Variants in KPNA4 observed in about 807,000 individuals in gnomAD.
KPNA4 encodes karyopherin subunit alpha 4.
KPNA4 carries 13 observed loss-of-function variants against 71.3 expected under a neutral mutation model. The observed-to-expected ratio is 0.18, with a 90% CI of 0.12 to 0.29. KPNA4 has a LOEUF of 0.29. Among genes scored for constraint, KPNA4 ranks in the 10% least tolerant of loss-of-function variants. The probability of loss-of-function intolerance (pLI) is 1.00; values close to 1 mark genes in which losing one functional copy is unlikely to be tolerated. For synonymous variants in KPNA4, 189 were observed against 195.2 expected (o/e 0.97, Z 0.26); for missense variants, 334 against 603.2 (o/e 0.55, Z 4.67).
intron 11 of KPNA4, among the ~76,000 whole-genome samples, chr3:160,517,556 G>A (rs1212032239): frequency 1.3e-5 from 2 of 151,968 alleles, no homozygotes; most frequent in Admixed American, 6.6e-5. Flanking sequence ...ATTCCAAAGC[G>A]GCTGTACCAT....
chr3:160,565,218 A>C lies in KPNA4; in HGVS notation c.65T>G (p.Leu22Trp). 6.2e-7 allele frequency: 1 copy of C among 1,605,966 alleles called. No homozygotes were observed. ...LKNFKNKGRDLETMRRQRNEV... is the reference protein window; with the variant it reads ...LKNFKNKGRDWETMRRQRNEV... ...CGGCGTCGTCCCCGAGTTTACCTCC[A>C]AGTCGCGGCCTTTGTTCTTGAAATT... is the stretch of plus-strand genomic sequence containing the variant. Residue 22 changes from leucine (L) to tryptophan (W), a missense_variant, in exon 1 of 17, where the codon TTG (leucine) becomes TGG (tryptophan). By Grantham distance (61) the Leu-to-Trp change is moderately conservative (BLOSUM62 -2). Coordinates refer to ENST00000334256, the MANE Select transcript of KPNA4 (RefSeq NM_002268.5).
Position 160,499,277 on chromosome 3 carries a change from G to A in KPNA4, c.*2827C>T, listed in dbSNP as rs1437693925. 3 of 152,070 alleles carry A rather than the reference G, an allele frequency of 2.0e-5. No individual in the cohort carries two copies. The highest frequency in any genetic ancestry group is 7.2e-5 in the African/African-American group (3 of 41,380). 9.4% of individuals were successfully genotyped at this position (152,070 alleles called of 1,614,324 possible). The stretch of plus-strand genomic sequence containing the variant: ...TACAAAGGAAATATATTTAAAGATA[G>A]ATTTTAGACTAGGGCGTCTCACACA... On this transcript the variant is annotated 3_prime_UTR_variant, in exon 17 of 17. Transcript: ENST00000334256.
At chr3:160,564,030 C>A (rs1722293149) in intron 1 of KPNA4, among the ~76,000 whole-genome samples, 1 of 152,132 alleles carries the variant, frequency 6.6e-6, no homozygotes, top group South Asian at 2.1e-4. Flanking sequence ...TTGAAGATTT[C>A]ATTATGAAAA....
chr3:160,543,058 A>G (rs1334462809), intron 1 of KPNA4, among the ~76,000 whole-genome samples: 1 of 150,336 alleles, frequency 6.7e-6, no homozygotes, highest in African/African-American at 2.4e-5. Context: ...CTATTTGGAA[A>G]AGTCACAAAA....
In KPNA4 at chr3:160,565,259, G is replaced by A. The variant is rs1179270526; in HGVS notation, c.24C>T (p.Asp8=). 6.2e-7 allele frequency: 1 copy of A among 1,609,348 alleles called. No individual in the cohort carries two copies. Among genetic ancestry groups the A allele is most frequent in the Non-Finnish European group, 8.5e-7 (1 of 1,177,874 alleles). The change falls in exon 1 of 17, where the codon GAC becomes GAT. Residue 8 remains aspartate (D), a synonymous_variant. Transcript: ENST00000334256. ...TCTTGAAATTCTTGAGCCGTTGGTT[G>A]TCCAGTTTCTCGTTGTCCGCCATGG... The part of the protein sequence containing the change: MADNEKL[D]NQRLKNFKNK...
intron 13 of KPNA4, among the ~76,000 whole-genome samples, chr3:160,512,525 C>A (rs1030558155): frequency 1.3e-5 from 2 of 152,156 alleles, no homozygotes; most frequent in African/African-American, 4.8e-5. Flanking sequence ...TCTTGCCTAT[C>A]CTAAATGAAC....
Position 160,498,051 on chromosome 3 carries a change from A to G in KPNA4, c.*4053T>C, listed in dbSNP as rs1720800951. The G allele has an allele frequency of 6.6e-6, 1 of 152,196 alleles. No homozygotes were observed. Among genetic ancestry groups the G allele is most frequent in the Admixed American group, 6.5e-5 (1 of 15,276 alleles). 9.4% of individuals were successfully genotyped at this position (152,196 alleles called of 1,614,324 possible). A position where few individuals can be genotyped will look rare whatever the true frequency, so the allele number is the denominator to read the frequency against. Reference sequence around the variant, plus strand: ...GATTACCTTTAGAATAGTAATTAGAAGCCCTGGGCAGTATGGGAGTTGAGA... The same window carrying G: ...GATTACCTTTAGAATAGTAATTAGAGGCCCTGGGCAGTATGGGAGTTGAGA... On this transcript the variant is annotated 3_prime_UTR_variant, in exon 17 of 17. Transcript: ENST00000334256.
At chr3:160,533,743 A>T (rs1342439390) in intron 5 of KPNA4, among the ~76,000 whole-genome samples, 1 of 152,232 alleles carries the variant, frequency 6.6e-6, no homozygotes, top group Non-Finnish European at 1.5e-5. Flanking sequence ...AAAAAAGGCA[A>T]ATGAAGTCTT....
intron 1 of KPNA4, among the ~76,000 whole-genome samples, chr3:160,549,853 G>A (rs1722002322): frequency 6.6e-6 from 1 of 152,136 alleles, no homozygotes; most frequent in Non-Finnish European, 1.5e-5. Flanking sequence ...TGAGTATCAT[G>A]GACATTTTAA....
intron 1 of KPNA4, among the ~76,000 whole-genome samples, chr3:160,554,986 CCAGT>C (rs1429763104): frequency 2.6e-5 from 4 of 152,210 alleles, no homozygotes; most frequent in African/African-American, 9.7e-5. Flanking sequence ...CTATGTATAG[CCAGT>C]CAGTCAGAGG....
chr3:160,548,737 TG>T (rs921728079), intron 1 of KPNA4, among the ~76,000 whole-genome samples: 3 of 152,208 alleles, frequency 2.0e-5, no homozygotes, highest in African/African-American at 7.2e-5. Flanking sequence ...ATACTGCAAA[TG>T]CTGCTACTAT....
rs377620884 is a variant in KPNA4 at position 160,508,134 on chromosome 3, T to C, written c.1345A>G (p.Ile449Val). The C allele has an allele frequency of 6.2e-7, 1 of 1,606,152 alleles. No individual in the cohort carries two copies. Among genetic ancestry groups the C allele is most frequent in the Non-Finnish European group, 8.5e-7 (1 of 1,176,980 alleles). Residue 449 changes from isoleucine (I) to valine (V), a missense_variant, in exon 15 of 17, where the codon ATA (isoleucine) becomes GTA (valine). Physicochemically the swap from Ile to Val is conservative, Grantham distance 29. Transcript: ENST00000334256. ...CCACATTCTTCTATAAGATTGCCTA[T>C]GGTTTCTGCCTCATCTTCAGCCATT... The part of the protein sequence containing the change: ...LKMAEDEAET[I>V]GNLIEECGGL...
intron 1 of KPNA4, among the ~76,000 whole-genome samples, chr3:160,543,427 G>A (rs150125374): frequency 2.6e-5 from 4 of 151,702 alleles, no homozygotes; most frequent in Admixed American, 6.6e-5. Context: ...TGTAACCTCA[G>A]CCTGCTGGGT....
At chr3:160,506,361 G>A (rs1426755901) in intron 15 of KPNA4, among the ~76,000 whole-genome samples, 1 of 152,058 alleles carries the variant, frequency 6.6e-6, no homozygotes, top group Non-Finnish European at 1.5e-5. Context: ...GTAGAGACGG[G>A]GTTTCATCAT....
chr3:160,563,983 T>A (rs1259166258), intron 1 of KPNA4, among the ~76,000 whole-genome samples: 1 of 151,648 alleles, frequency 6.6e-6, no homozygotes, highest in East Asian at 1.9e-4. Context: ...AATATCTCAG[T>A]CAAGCAGACT....
intron 1 of KPNA4, among the ~76,000 whole-genome samples, chr3:160,548,407 C>G (rs1254372273): frequency 6.6e-6 from 1 of 152,146 alleles, no homozygotes; most frequent in East Asian, 1.9e-4. Context: ...TCTCCCAAAA[C>G]TATCCTGGTC....
In KPNA4 at chr3:160,508,185, G is replaced by A; in HGVS notation, c.1294C>T (p.Leu432Phe). Residue 432 changes from leucine (L) to phenylalanine (F), a missense_variant, in exon 15 of 17, where the codon CTC becomes TTC. Physicochemically the swap from Leu to Phe is conservative, Grantham distance 22 (BLOSUM62 0). Transcript: ENST00000334256. The stretch of plus-strand genomic sequence containing the variant: ...TTTAATATATTACTTAGTCCATCGA[G>A]TACTACTTGCACAACTTGTGCATCT... Reference protein sequence around the residue: ...VKDAQVVQVVLDGLSNILKMA... With the variant: ...VKDAQVVQVVFDGLSNILKMA... 6.2e-7 allele frequency: 1 copy of A among 1,611,882 alleles called. No homozygotes were observed. Among genetic ancestry groups the A allele is most frequent in the South Asian group, 1.1e-5 (1 of 90,674 alleles).
At chr3:160,563,078 A>G (rs965834541) in intron 1 of KPNA4, among the ~76,000 whole-genome samples, 1 of 152,224 alleles carries the variant, frequency 6.6e-6, no homozygotes, top group Non-Finnish European at 1.5e-5. Flanking sequence ...TGTTCTTAGT[A>G]GTATTATGTA....
chr3:160,534,865 A>G (rs1721653834), intron 5 of KPNA4, among the ~76,000 whole-genome samples: 1 of 151,500 alleles, frequency 6.6e-6, no homozygotes, highest in African/African-American at 2.4e-5. Flanking sequence ...CTGGAATTAC[A>G]GGTGCCCACA....
Sources: allele counts gnomAD v4.1 joint callset (sites outside exome capture counted in the v4.1 genomes callset), GRCh38; gene constraint gnomAD v4.1.1; transcripts MANE v1.5; gene names NCBI Gene and HGNC (gene_info 2026-07-23, HGNC 2026-07-21).